The following CELF4 variants were observed in gnomAD, a reference collection of about 807,000 sequenced individuals.
The protein encoded by CELF4 is CUGBP Elav-like family member 4.
CELF4 carries 18 observed loss-of-function variants against 59.9 expected under a neutral mutation model. That is an observed-to-expected ratio of 0.30 (90% confidence interval 0.21 to 0.45). The LOEUF (loss-of-function observed/expected upper bound fraction) is 0.45, where lower values mean the gene tolerates loss of function less well. CELF4 is among the 20% of genes least tolerant of loss of function. The pLI, the probability that CELF4 is intolerant of heterozygous loss-of-function variation, is 1.00. For synonymous variants in CELF4, 261 were observed against 267.1 expected, an observed-to-expected ratio of 0.98 and a Z score of 0.22; for missense variants, 456 against 689.0, an observed-to-expected ratio of 0.66 and a Z score of 3.79.
chr18:37,495,271 C>T (rs1020472057), intron 1 of CELF4, among the ~76,000 whole-genome samples: 7 of 152,134 alleles, frequency 4.6e-5, no homozygotes, highest in Admixed American at 2.0e-4. Flanking sequence ...CCAAAACCAT[C>T]GCTAAATTAC....
rs116966610 is a variant in CELF4 at position 37,454,376 on chromosome 18, C to T, written c.369+31149G>A. Among the ~76,000 whole-genome samples the T allele has an allele frequency of 2.2e-3, 341 of 152,320 alleles. 1 individual carries two copies. Among genetic ancestry groups the T allele is most frequent in the Admixed American group, 3.6e-3 (55 of 15,310 alleles). On this transcript the variant is annotated intron_variant, in intron 2 of 12. Transcript: ENST00000420428. ...AGTGAAGTTTGCCGCATTCAAATGA[C>T]CCAAGTCAGACCTTTAGGCTCCTCC...
chr18:37,450,462 G>A (rs2099760106), intron 2 of CELF4, among the ~76,000 whole-genome samples: 1 of 151,106 alleles, frequency 6.6e-6, no homozygotes, highest in Non-Finnish European at 1.5e-5. Flanking sequence ...GAAGAGGCCT[G>A]CAAAGGACTG....
At chr18:37,361,003 G>A (rs1444510354) in intron 2 of CELF4, among the ~76,000 whole-genome samples, 2 of 152,296 alleles carry the variant, frequency 1.3e-5, no homozygotes, top group Admixed American at 6.5e-5. Context: ...CCCACAGTAG[G>A]TGTTCATTAA....
intron 2 of CELF4, among the ~76,000 whole-genome samples, chr18:37,439,557 AGTCTT>A (rs1352198343): frequency 1.3e-5 from 2 of 152,098 alleles, no homozygotes; most frequent in African/African-American, 2.4e-5. Flanking sequence ...TCTCCTAAGA[AGTCTT>A]GTCTTCCTGA....
At chr18:37,438,630 G>A (rs1322039099) in intron 2 of CELF4, among the ~76,000 whole-genome samples, 2 of 152,168 alleles carry the variant, frequency 1.3e-5, no homozygotes, top group Non-Finnish European at 2.9e-5. Context: ...TGCAGGAGCC[G>A]TTGGCACAGA....
chr18:37,302,087 C>T lies in CELF4; in HGVS notation c.448+19716G>A, dbSNP rs568285797. Reference sequence around the variant, plus strand: ...TTGGAATATATGTTGACTTTCACAGCGAACAAGTTGGATGCTTATGGGAAT... The same window carrying T: ...TTGGAATATATGTTGACTTTCACAGTGAACAAGTTGGATGCTTATGGGAAT... On this transcript the variant is annotated intron_variant, in intron 3 of 12. Coordinates refer to ENST00000420428, the MANE Select transcript of CELF4 (RefSeq NM_020180.4). Among the ~76,000 whole-genome samples the T allele has an allele frequency of 9.8e-5, 15 of 152,328 alleles. No individual in the cohort carries two copies. The East Asian group carries it at 1.5e-3, about 16-fold the overall frequency.
At chr18:37,500,205 C>T (rs1163644076) in intron 1 of CELF4, among the ~76,000 whole-genome samples, 3 of 152,174 alleles carry the variant, frequency 2.0e-5, no homozygotes, top group African/African-American at 7.2e-5. Flanking sequence ...AGTGCCCCTG[C>T]CCCTGCCTGG....
At chr18:37,452,965 C>G (rs569839826) in intron 2 of CELF4, among the ~76,000 whole-genome samples, 2 of 152,296 alleles carry the variant, frequency 1.3e-5, no homozygotes, top group East Asian at 3.9e-4. Flanking sequence ...AAAGTCTCCT[C>G]CAGCCCGCAG....
intron 1 of CELF4, among the ~76,000 whole-genome samples, chr18:37,552,150 G>A (rs116342109): frequency 8.8e-4 from 134 of 152,300 alleles, no homozygotes; most frequent in African/African-American, 3.1e-3. Flanking sequence ...CCTCAACAGC[G>A]TATTTACACG....
Position 37,264,626 on chromosome 18 carries a change from G to A in CELF4, c.1249+48C>T, listed in dbSNP as rs763805644. On this transcript the variant is annotated intron_variant, in intron 10 of 12. Coordinates refer to ENST00000420428, the MANE Select transcript of CELF4 (RefSeq NM_020180.4). ...AAGGCCCAGGTGAGCAGCCTCTTTG[G>A]GGACAACAGGGGGAGGGAGGGGCCC... 4.0e-6 allele frequency: 6 copies of A among 1,491,386 alleles called. No homozygotes were observed. The African/African-American group carries it at 8.3e-5, about 21-fold the overall frequency. The allele number at this position is 1,491,386 out of a possible 1,614,324, so 92.4% of individuals were successfully genotyped here.
rs559543814 is a variant in CELF4, at chr18:37,292,962, A to G, written c.449-17719T>C. On this transcript the variant is annotated intron_variant, in intron 3 of 12. Transcript: ENST00000420428. ...GTGCTGGGATTTTTAACTTCTCTTC[A>G]AGTGGCCTGTAACCCTCTCATAGGC... 2.4e-4 allele frequency among the ~76,000 whole-genome samples: 37 copies of G among 152,326 alleles called. No individual in the cohort carries two copies. In the South Asian group the frequency reaches 4.8e-3, roughly 20 times the overall value.
At chr18:37,333,268 G>A (rs770804575) in intron 2 of CELF4, among the ~76,000 whole-genome samples, 3 of 152,034 alleles carry the variant, frequency 2.0e-5, no homozygotes, top group Non-Finnish European at 4.4e-5. Context: ...TCTGAACATC[G>A]TGCCTGGCAC....
intron 2 of CELF4, among the ~76,000 whole-genome samples, chr18:37,336,132 A>C (rs941372072): frequency 6.6e-6 from 1 of 152,166 alleles, no homozygotes; most frequent in Non-Finnish European, 1.5e-5. Context: ...TGCTGGCCAC[A>C]TGCCCCACAG....
At chr18:37,429,743 G>C (rs2099636340) in intron 2 of CELF4, among the ~76,000 whole-genome samples, 2 of 151,374 alleles carry the variant, frequency 1.3e-5, no homozygotes, top group East Asian at 2.0e-4. Context: ...ATCTTGATGA[G>C]GCTAGGGCTT....
chr18:37,250,344 A>G (rs1446246828), intron 12 of CELF4, among the ~76,000 whole-genome samples: 1 of 151,618 alleles, frequency 6.6e-6, no homozygotes, highest in Non-Finnish European at 1.5e-5. Context: ...CCCTAATCCC[A>G]CCCCACTCAG....
chr18:37,520,097 G>A (rs1262269353), intron 1 of CELF4, among the ~76,000 whole-genome samples: 2 of 152,180 alleles, frequency 1.3e-5, no homozygotes, highest in African/African-American at 2.4e-5. Flanking sequence ...AGAGATGAGG[G>A]AGGCCATCCC....
At position 37,253,733 on chromosome 18, in the gene CELF4, C is replaced by A; in HGVS notation, c.*44+34G>T. 6.6e-7 allele frequency: 1 copy of A among 1,503,892 alleles called. No individual in the cohort carries two copies. Among genetic ancestry groups the A allele is most frequent in the Non-Finnish European group, 9.0e-7 (1 of 1,116,688 alleles). The allele number at this position is 1,503,892 out of a possible 1,614,324, so 93.2% of individuals were successfully genotyped here. ...GCGGGTCCGTCTGGTTCCCTCCCAACCCCCGTCCCCGCGCCCCGGCCGCCC... is the reference window on the plus strand; with the variant it reads ...GCGGGTCCGTCTGGTTCCCTCCCAAACCCCGTCCCCGCGCCCCGGCCGCCC... On this transcript the variant is annotated intron_variant, in intron 12 of 12. Coordinates refer to ENST00000420428, the MANE Select transcript of CELF4 (RefSeq NM_020180.4). This position sits in a 1 kb window ranked among gnomAD's most constrained non-coding sequence, Gnocchi z 4.5.
rs1386268995 is a variant in CELF4 at position 37,335,894 on chromosome 18, C to T, written c.370-14013G>A. 2.0e-5 allele frequency among the ~76,000 whole-genome samples: 3 copies of T among 152,184 alleles called. No homozygotes were observed. The East Asian group carries it at 5.8e-4, about 29-fold the overall frequency. On this transcript the variant is annotated intron_variant, in intron 2 of 12. Transcript: ENST00000420428. ...GCATGGCCTCCAGCCCAAGGCCTGA[C>T]ACCCGCAGCCTGCTGTGGCAGGAAC...
At chr18:37,252,340 G>T (rs2065994117) in intron 12 of CELF4, among the ~76,000 whole-genome samples, 1 of 152,074 alleles carries the variant, frequency 6.6e-6, no homozygotes, top group Non-Finnish European at 1.5e-5. Flanking sequence ...GGACTGAGTG[G>T]TCAGTGCAGT....
Sources: gnomAD v4.1 joint callset for allele counts (sites outside exome capture counted in the v4.1 genomes callset) on GRCh38, gnomAD v4.1.1 for gene constraint, Gnocchi (gnomAD v3.1) non-coding constraint, MANE v1.5 for transcripts, NCBI Gene and HGNC (gene_info 2026-07-23, HGNC 2026-07-21) for gene names.